The following TMED3 variants were observed in gnomAD, a reference collection of about 807,000 sequenced individuals.
TMED3 encodes transmembrane p24 trafficking protein 3, also known as transmembrane emp24 domain-containing protein 3.
A neutral mutation model predicts 15.0 loss-of-function variants in TMED3; 9 were observed. The ratio of observed to expected loss-of-function variants is 0.60; its 90% confidence interval spans 0.36 to 1.04. The LOEUF (loss-of-function observed/expected upper bound fraction) is 1.04, where lower values mean the gene tolerates loss of function less well. Among genes scored for constraint, TMED3 ranks in the 50% least tolerant of loss-of-function variants. The pLI is 0.01. For missense variants in TMED3, 267 were observed against 278.9 expected (o/e 0.96, Z 0.30); for synonymous variants, 117 against 121.4 (o/e 0.96, Z 0.24).
intron 2 of TMED3, among the ~76,000 whole-genome samples, chr15:79,356,117 G>A (rs886303267): frequency 2.0e-5 from 3 of 152,162 alleles, no homozygotes; most frequent in Non-Finnish European, 4.4e-5. Context: ...GGGTGGCAAA[G>A]TACATGGAAG....
At chr15:79,397,542 C>A (rs888609317) in intron 2 of TMED3, among the ~76,000 whole-genome samples, 4 of 152,176 alleles carry the variant, frequency 2.6e-5, no homozygotes, top group African/African-American at 9.7e-5. Flanking sequence ...AAAGTGCAAG[C>A]CAATCTTTGA....
chr15:79,385,111 T>A (rs917603275), intron 2 of TMED3, among the ~76,000 whole-genome samples: 5 of 152,096 alleles, frequency 3.3e-5, no homozygotes, highest in Non-Finnish European at 5.9e-5. Flanking sequence ...TGGAAAAACA[T>A]GCTTCTCCCA....
At position 79,311,318 on chromosome 15, in the gene TMED3, G is replaced by T; in HGVS notation, c.69G>T (p.Gln23His). Residue 23 changes from glutamine (Q) to histidine (H), a missense_variant, in exon 1 of 3, where the codon CAG (glutamine) becomes CAT (histidine). Around this residue, in one of 3 missense-constraint regions of TMED3, gnomAD observed 59 missense variants for 47.0 expected, o/e 1.26. Coordinates refer to ENST00000299705, the MANE Select transcript of TMED3 (RefSeq NM_007364.4). ...TGCTGCTCCTGCGCCGGGCCGAGCA[G>T]CCCTGCGGGGCCGAGCTCACCTTCG... Reference protein sequence around the residue: ...LLLLLLRRAEQPCGAELTFEL... With the variant: ...LLLLLLRRAEHPCGAELTFEL... 6.2e-7 allele frequency: 1 copy of T among 1,609,500 alleles called. No homozygotes were observed. Among genetic ancestry groups the T allele is most frequent in the Non-Finnish European group, 8.5e-7 (1 of 1,178,524 alleles).
chr15:79,381,122 G>A (rs1893526996), intron 2 of TMED3, among the ~76,000 whole-genome samples: 1 of 152,166 alleles, frequency 6.6e-6, no homozygotes, highest in Non-Finnish European at 1.5e-5. Context: ...CTCTGTGCAA[G>A]GGGTATTCTT....
chr15:79,411,100 A>T (rs1893972517), intron 2 of TMED3, among the ~76,000 whole-genome samples: 1 of 152,172 alleles, frequency 6.6e-6, no homozygotes, highest in Non-Finnish European at 1.5e-5. Context: ...TGCGGGAAGA[A>T]ATAGTTGCAG....
intron 1 of TMED3, 116 bp from the exon 2 acceptor site, chr15:79,313,641 A>C (rs1039087483): frequency 4.3e-6 from 6 of 1,384,126 alleles, no homozygotes; most frequent in Non-Finnish European, 5.8e-6. Context: ...CCTGCCTTAG[A>C]AAGTTTTGAA....
At chr15:79,324,964 A>G (rs562260224), downstream of TMED3, among the ~76,000 whole-genome samples, 3 of 152,298 alleles carry the variant, frequency 2.0e-5, no homozygotes, top group African/African-American at 7.2e-5. Flanking sequence ...CTGGCCAGGA[A>G]CTTCAGGCTT....
chr15:79,359,230 G>GTTTTT (rs5813967), intron 2 of TMED3, among the ~76,000 whole-genome samples: 2 of 122,416 alleles, frequency 1.6e-5, no homozygotes, highest in African/African-American at 6.2e-5. Context: ...AGAAGGCTCA[G>GTTTTT]TTTTTTTTTT....
chr15:79,406,631 C>T (rs1893907074), intron 2 of TMED3, among the ~76,000 whole-genome samples: 2 of 152,238 alleles, frequency 1.3e-5, no homozygotes, highest in Admixed American at 6.5e-5. Context: ...GGTCTGTGAA[C>T]TGACTTAACT....
intron 2 of TMED3, among the ~76,000 whole-genome samples, chr15:79,320,072 T>A (rs904427313): frequency 6.6e-6 from 1 of 152,134 alleles, no homozygotes; most frequent in African/African-American, 2.4e-5. Context: ...AGTCCCCCTT[T>A]CCCAGTCTGC....
Position 79,314,087 on chromosome 15 carries a change from G to A in TMED3, c.417+82G>A, listed in dbSNP as rs904303742. ...TGGCCTCTGTCTAGGCTGGTGGTGG[G>A]AGTCATCATCCATCCAGCTCCCAGT... On this transcript the variant is annotated intron_variant, in intron 2 of 2. Coordinates refer to ENST00000299705, the MANE Select transcript of TMED3 (RefSeq NM_007364.4). 3.9e-6 allele frequency: 6 copies of A among 1,548,310 alleles called. No individual in the cohort carries two copies. The East Asian group carries it at 1.1e-4, about 29-fold the overall frequency.
chr15:79,314,456 A>G, intron 2 of TMED3: 3 of 434,652 alleles, frequency 6.9e-6, no homozygotes, highest in Non-Finnish European at 1.4e-5. Flanking sequence ...CATAATCTAG[A>G]AAAGGTTGGT....
chr15:79,396,274 C>T (rs1305128823), intron 2 of TMED3, among the ~76,000 whole-genome samples: 2 of 152,172 alleles, frequency 1.3e-5, no homozygotes, highest in African/African-American at 2.4e-5. Context: ...AAAGCAATGA[C>T]CATTTAATTA....
At chr15:79,386,765 T>C (rs1893632466) in intron 2 of TMED3, among the ~76,000 whole-genome samples, 1 of 147,920 alleles carries the variant, frequency 6.8e-6, no homozygotes, top group African/African-American at 2.5e-5. Context: ...GCCAGACTGG[T>C]CTTGATCTCC....
intron 2 of TMED3, among the ~76,000 whole-genome samples, chr15:79,337,266 C>T (rs192643616): frequency 2.7e-3 from 406 of 152,284 alleles, no homozygotes; most frequent in African/African-American, 9.4e-3. Flanking sequence ...TGTCCTCACA[C>T]GGTCCCTTCC....
chr15:79,321,179 T>A (rs1318597463), intron 2 of TMED3, among the ~76,000 whole-genome samples: 1 of 152,204 alleles, frequency 6.6e-6, no homozygotes, highest in Non-Finnish European at 1.5e-5. Context: ...AACCTCCCCA[T>A]CTTCAGGTCA....
chr15:79,323,992 A>C (rs1314204012), downstream of TMED3, among the ~76,000 whole-genome samples: 1 of 152,078 alleles, frequency 6.6e-6, no homozygotes, highest in Non-Finnish European at 1.5e-5. Context: ...AATCCAGAAG[A>C]AATTTTTTTT....
intron 2 of TMED3, among the ~76,000 whole-genome samples, chr15:79,340,010 T>C (rs938778360): frequency 2.6e-5 from 4 of 152,178 alleles, no homozygotes; most frequent in African/African-American, 9.7e-5. Flanking sequence ...CATACACTTC[T>C]AGGGCTGTGT....
intron 2 of TMED3, among the ~76,000 whole-genome samples, chr15:79,388,125 A>C (rs1893650102): frequency 6.6e-6 from 1 of 152,118 alleles, no homozygotes; most frequent in African/African-American, 2.4e-5. Flanking sequence ...AAAGTGATGA[A>C]TAGGACTGGT....
Sources: allele counts gnomAD v4.1 joint callset (sites outside exome capture counted in the v4.1 genomes callset), GRCh38; gene constraint gnomAD v4.1.1; regional missense constraint gnomAD v4.1.1; transcripts MANE v1.5; gene names NCBI Gene and HGNC (gene_info 2026-07-23, HGNC 2026-07-21).